The following TBX5 variants were observed in gnomAD, a reference collection of about 807,000 sequenced individuals.
The protein encoded by TBX5 is T-box transcription factor 5.
TBX5 carries 8 observed loss-of-function variants against 51.1 expected under a neutral mutation model. The ratio of observed to expected loss-of-function variants is 0.16; its 90% CI spans 0.09 to 0.28. TBX5 has a LOEUF of 0.28. Ranked by LOEUF, TBX5 falls within the 10% of genes least tolerant of loss-of-function variation. The probability of loss-of-function intolerance (pLI) is 1.00; values close to 1 mark genes in which losing one functional copy is unlikely to be tolerated. For synonymous variants in TBX5, 302 were observed against 266.4 expected (o/e 1.13, Z -1.30); for missense variants, 589 against 671.7 (o/e 0.88, Z 1.36).
chr12:114,403,291 A>C (rs939460662), intron 2 of TBX5, among the ~76,000 whole-genome samples: 12 of 152,174 alleles, frequency 7.9e-5, no homozygotes, highest in African/African-American at 2.4e-4. Flanking sequence ...AGGCAGGAGG[A>C]GGCGGGAGGA....
upstream of TBX5, chr12:114,408,090 T>C (rs558915347): frequency 4.1e-6 from 4 of 985,394 alleles, no homozygotes; most frequent in South Asian, 1.4e-4. Context: ...GCTGCACCTA[T>C]AGGACTTGGA....
chr12:114,382,225 G>A (rs985995169), intron 7 of TBX5, among the ~76,000 whole-genome samples: 7 of 152,148 alleles, frequency 4.6e-5, no homozygotes, highest in African/African-American at 1.7e-4. Flanking sequence ...GAAGCCAGAA[G>A]ACCACCTGAG....
At chr12:114,393,225 G>A (rs964427516) in intron 6 of TBX5, among the ~76,000 whole-genome samples, 2 of 152,126 alleles carry the variant, frequency 1.3e-5, no homozygotes, top group African/African-American at 4.8e-5. Context: ...AGCTCCTGCA[G>A]TTCCCCCTCC....
At chr12:114,377,242 A>C (rs1361772847) in intron 7 of TBX5, among the ~76,000 whole-genome samples, 1 of 152,226 alleles carries the variant, frequency 6.6e-6, no homozygotes, top group Non-Finnish European at 1.5e-5. Flanking sequence ...TGAGAACACA[A>C]GAGTGCTAAG....
intron 1 of TBX5, among the ~76,000 whole-genome samples, chr12:114,404,534 A>T (rs944052050): frequency 3.3e-5 from 5 of 152,352 alleles, no homozygotes; most frequent in African/African-American, 1.2e-4. Flanking sequence ...AAGAGAATTC[A>T]TATACACCTT....
upstream of TBX5, among the ~76,000 whole-genome samples, chr12:114,406,602 C>T (rs1333005231): frequency 6.6e-6 from 1 of 152,094 alleles, no homozygotes; most frequent in Non-Finnish European, 1.5e-5. Context: ...ACTCATCACC[C>T]CTACTCTCAA....
In TBX5 at chr12:114,366,385, T is replaced by G; in HGVS notation, c.762A>C (p.Glu254Asp). The change falls in exon 8 of 9, where the codon GAA becomes GAC. Residue 254 changes from glutamate to aspartate, a missense_variant. Transcript: ENST00000405440. ...CGGTGCTCCTGGGGACCACGGGATA[T>G]TCTTTACTGAAAGAGAAAAGATGGG... Reference protein sequence around the residue: ...LHRMSRMQSKEYPVVPRSTVR... With the variant: ...LHRMSRMQSKDYPVVPRSTVR... 1 of 1,614,154 alleles carries G rather than the reference T, an allele frequency of 6.2e-7. No individual in the cohort carries two copies. Among genetic ancestry groups the G allele is most frequent in the Non-Finnish European group, 8.5e-7 (1 of 1,180,022 alleles).
Position 114,405,961 on chromosome 12 carries a change from G to T in TBX5, c.-372C>A, listed in dbSNP as rs886245741. On this transcript the variant is annotated 5_prime_UTR_variant, in exon 1 of 9. Coordinates refer to ENST00000405440, the MANE Select transcript of TBX5 (RefSeq NM_181486.4). ...CTCCTCCTTTACACCCCCAGGGAGG[G>T]AAAGTTGGAAGCCCAGTGAATGGTC... 1 of 985,336 alleles carries T rather than the reference G, an allele frequency of 1.0e-6. No individual in the cohort carries two copies. Among genetic ancestry groups the T allele is most frequent in the Admixed American group, 6.1e-5 (1 of 16,270 alleles). 61.0% of individuals were successfully genotyped at this position (985,336 alleles called of 1,614,324 possible). A position where few individuals can be genotyped will look rare whatever the true frequency, so the allele number is the denominator to read the frequency against.
intron 2 of TBX5, 63 bp downstream of exon 2, chr12:114,403,689 G>A: frequency 6.3e-7 from 1 of 1,587,598 alleles, no homozygotes; most frequent in Admixed American, 1.7e-5. Context: ...GAGAAGCCGA[G>A]CAGGAAAGCC....
upstream of TBX5, chr12:114,408,162 G>A: frequency 1.0e-6 from 1 of 985,422 alleles, no homozygotes; most frequent in Admixed American, 6.1e-5. Flanking sequence ...GCAGCGGCGG[G>A]AGGTAAATTT....
chr12:114,392,409 C>T (rs999415876), intron 6 of TBX5, among the ~76,000 whole-genome samples: 3 of 152,110 alleles, frequency 2.0e-5, no homozygotes, highest in Admixed American at 1.3e-4. Context: ...TATTAGATGA[C>T]AATTATGCCT....
At chr12:114,388,677 T>TGTGTGA (rs1870967227) in intron 6 of TBX5, among the ~76,000 whole-genome samples, 1 of 25,338 alleles carries the variant, frequency 3.9e-5, no homozygotes, top group Non-Finnish European at 6.6e-5. Context: ...AAAGTATCCG[T>TGTGTGA]GTGTGTGTGT....
At chr12:114,367,748 A>C (rs1869631574) in intron 7 of TBX5, among the ~76,000 whole-genome samples, 1 of 152,188 alleles carries the variant, frequency 6.6e-6, no homozygotes, top group Non-Finnish European at 1.5e-5. Flanking sequence ...CTTGACCCCT[A>C]ACATCCCATA....
chr12:114,405,140 C>G (rs953338146), intron 1 of TBX5, among the ~76,000 whole-genome samples: 3 of 152,218 alleles, frequency 2.0e-5, no homozygotes, highest in Non-Finnish European at 2.9e-5. Flanking sequence ...CCCACCCTGA[C>G]CTGCTGTGGC....
intron 7 of TBX5, among the ~76,000 whole-genome samples, chr12:114,369,499 G>A (rs553401818): frequency 5.3e-5 from 8 of 152,210 alleles, no homozygotes; most frequent in African/African-American, 1.9e-4. Context: ...TCAAAATATG[G>A]GCATGGAATG....
intron 5 of TBX5, among the ~76,000 whole-genome samples, chr12:114,397,052 C>T (rs767846961): frequency 4.8e-4 from 73 of 152,200 alleles, no homozygotes; most frequent in Admixed American, 1.5e-3. Context: ...CCCTGAGATC[C>T]TCTTCCCATC....
chr12:114,400,752 G>A (rs1054853910), intron 3 of TBX5, among the ~76,000 whole-genome samples: 3 of 152,240 alleles, frequency 2.0e-5, no homozygotes, highest in African/African-American at 7.2e-5. Context: ...ATAGGAAGAG[G>A]ACTGCAGTTC....
At chr12:114,376,521 C>T (rs1457098296) in intron 7 of TBX5, among the ~76,000 whole-genome samples, 1 of 151,930 alleles carries the variant, frequency 6.6e-6, no homozygotes, top group Admixed American at 6.6e-5. Context: ...AGGTCAAAGG[C>T]ATTTGTTATT....
chr12:114,404,897 G>A (rs2136426401), intron 1 of TBX5, among the ~76,000 whole-genome samples: 1 of 152,330 alleles, frequency 6.6e-6, no homozygotes, highest in South Asian at 2.1e-4. Context: ...CTGCAGCCCG[G>A]GTCCCCGCAA....
Sources: gnomAD v4.1 joint callset for allele counts (sites outside exome capture counted in the v4.1 genomes callset) on GRCh38, gnomAD v4.1.1 for gene constraint, MANE v1.5 for transcripts, NCBI Gene and HGNC (gene_info 2026-07-23, HGNC 2026-07-21) for gene names.